The following PLCB1 variants were observed in gnomAD, a reference collection of about 807,000 sequenced individuals.
The protein encoded by PLCB1 is phospholipase C beta 1.
A neutral mutation model predicts 161.8 loss-of-function variants in PLCB1; 46 were observed. The observed-to-expected ratio is 0.28, with a 90% CI of 0.22 to 0.36. The LOEUF is 0.36. PLCB1 is among the 10% of genes least tolerant of loss of function. The pLI, the probability that PLCB1 is intolerant of heterozygous loss-of-function variation, is 1.00. For synonymous variants in PLCB1, 517 were observed against 503.7 expected (o/e 1.03, Z -0.35); for missense variants, 1,016 against 1,472.5 (o/e 0.69, Z 5.07).
At chr20:8,675,078 C>T (rs1226392476) in intron 9 of PLCB1, among the ~76,000 whole-genome samples, 3 of 152,176 alleles carry the variant, frequency 2.0e-5, no homozygotes, top group Middle Eastern at 3.4e-3. Context: ...CAAATCTGGA[C>T]ATAATTTCCT....
chr20:8,826,515 A>G (rs1985714565), intron 31 of PLCB1, among the ~76,000 whole-genome samples: 1 of 151,938 alleles, frequency 6.6e-6, no homozygotes, highest in African/African-American at 2.4e-5. Flanking sequence ...AAAAAAGAAA[A>G]GAAAAGAAGG....
At chr20:8,810,463 G>A (rs1984760586) in intron 31 of PLCB1, among the ~76,000 whole-genome samples, 1 of 152,014 alleles carries the variant, frequency 6.6e-6, no homozygotes, top group Admixed American at 6.6e-5. Flanking sequence ...AAGCAGAAAA[G>A]GTTAAATGAT....
rs537648892 is a variant in PLCB1, at chr20:8,649,440, A to G, written c.585A>G (p.Pro195=). Residue 195 remains proline, a synonymous_variant, in exon 7 of 32, where the codon CCA becomes CCG. Transcript: ENST00000338037. ...VETALEACSL[P]SSRNDSIPQE... Reference sequence around the variant, plus strand: ...CTGCTTTAGAGGCTTGTAGTCTTCCATCTTCAAGGGTGAGCATGTGTGTTA... The same window carrying G: ...CTGCTTTAGAGGCTTGTAGTCTTCCGTCTTCAAGGGTGAGCATGTGTGTTA... 49 of 1,609,748 alleles carry G rather than the reference A, an allele frequency of 3.0e-5. 1 individual carries two copies. The South Asian group carries it at 5.2e-4, about 17-fold the overall frequency.
intron 2 of PLCB1, among the ~76,000 whole-genome samples, chr20:8,152,273 C>G (rs937867633): frequency 6.6e-6 from 1 of 151,098 alleles, no homozygotes; most frequent in Non-Finnish European, 1.5e-5. Context: ...ATCTTAGAAT[C>G]CAAAAGATGA....
intron 3 of PLCB1, among the ~76,000 whole-genome samples, chr20:8,486,256 C>CA: frequency 6.6e-6 from 1 of 152,202 alleles, no homozygotes; most frequent in African/African-American, 2.4e-5. Flanking sequence ...CACTGAGATA[C>CA]AAGGGGATAA....
At chr20:8,839,018 A>T (rs1986397557) in intron 31 of PLCB1, among the ~76,000 whole-genome samples, 1 of 152,228 alleles carries the variant, frequency 6.6e-6, no homozygotes, top group South Asian at 2.1e-4. Context: ...GCCCTATGTT[A>T]TAATTTAGTT....
chr20:8,378,818 A>C lies in PLCB1; in HGVS notation c.246+7368A>C, dbSNP rs577852584. On this transcript the variant is annotated intron_variant, in intron 3 of 31. Coordinates refer to ENST00000338037, the MANE Select transcript of PLCB1 (RefSeq NM_015192.4). ...TCTGTTTTAGCAACTAAGTTTATATAATATTCTAAATCTTTTGTTGTCGTT... is the reference window on the plus strand; with the variant it reads ...TCTGTTTTAGCAACTAAGTTTATATCATATTCTAAATCTTTTGTTGTCGTT... 1.8e-3 allele frequency among the ~76,000 whole-genome samples: 270 copies of C among 152,312 alleles called. 1 individual carries two copies. The highest frequency in any genetic ancestry group is 6.3e-3 in the African/African-American group (261 of 41,572).
chr20:8,760,972 T>C (rs1981992767), intron 25 of PLCB1, among the ~76,000 whole-genome samples: 1 of 152,228 alleles, frequency 6.6e-6, no homozygotes, highest in Admixed American at 6.5e-5. Context: ...AAAATGTTTA[T>C]AATACTTGGT....
intron 2 of PLCB1, among the ~76,000 whole-genome samples, chr20:8,192,078 T>C (rs1479779637): frequency 6.6e-6 from 1 of 152,022 alleles, no homozygotes; most frequent in Non-Finnish European, 1.5e-5. Flanking sequence ...AGAGTCAGTA[T>C]AGTAACATAA....
At chr20:8,227,466 G>A (rs1979758570) in intron 2 of PLCB1, among the ~76,000 whole-genome samples, 1 of 152,072 alleles carries the variant, frequency 6.6e-6, no homozygotes, top group Non-Finnish European at 1.5e-5. Flanking sequence ...GCATACTGCT[G>A]ACCTCACAGC....
At chr20:8,333,706 G>A (rs372516036) in intron 2 of PLCB1, among the ~76,000 whole-genome samples, 1 of 152,272 alleles carries the variant, frequency 6.6e-6, no homozygotes, top group East Asian at 1.9e-4. Flanking sequence ...CCTGTCTTAG[G>A]AGCATGTTTG....
At position 8,531,342 on chromosome 20, in the gene PLCB1, A is replaced by C. The variant is rs186233053; in HGVS notation, c.247-96952A>C. On this transcript the variant is annotated intron_variant, in intron 3 of 31. Coordinates refer to ENST00000338037, the MANE Select transcript of PLCB1 (RefSeq NM_015192.4). Reference sequence around the variant, plus strand: ...AGAAAAGAGTGAGTATAATTAGTACATGTGTTATGATGTTTTGATTCTAGT... The same window carrying C: ...AGAAAAGAGTGAGTATAATTAGTACCTGTGTTATGATGTTTTGATTCTAGT... Among the ~76,000 whole-genome samples, 4 of 152,222 alleles carry C rather than the reference A, an allele frequency of 2.6e-5. No homozygotes were observed. The East Asian group carries it at 7.7e-4, about 29-fold the overall frequency.
chr20:8,533,949 T>C (rs887497112), intron 3 of PLCB1, among the ~76,000 whole-genome samples: 11 of 152,374 alleles, frequency 7.2e-5, no homozygotes, highest in Admixed American at 1.3e-4. Context: ...CATGCCTATG[T>C]CCTGAATGGT....
At chr20:8,227,344 G>A (rs1191245935) in intron 2 of PLCB1, among the ~76,000 whole-genome samples, 1 of 152,174 alleles carries the variant, frequency 6.6e-6, no homozygotes, top group Non-Finnish European at 1.5e-5. Flanking sequence ...AACTCCAGGT[G>A]CTTGTTTCCC....
At chr20:8,741,405 A>C in intron 22 of PLCB1, 59 bp from the exon 23 acceptor site, 2 of 1,159,182 alleles carry the variant, frequency 1.7e-6, no homozygotes, top group Admixed American at 1.8e-5. Context: ...TAAGTAGATG[A>C]ATGATGGATA....
rs147979529 is a variant in PLCB1 at position 8,431,905 on chromosome 20, A to G, written c.246+60455A>G. 1.6e-3 allele frequency among the ~76,000 whole-genome samples: 247 copies of G among 152,214 alleles called. 2 individuals carry two copies. Among genetic ancestry groups the G allele is most frequent in the African/African-American group, 5.6e-3 (231 of 41,516 alleles). On this transcript the variant is annotated intron_variant, in intron 3 of 31. Transcript: ENST00000338037. ...AGGTGGCTTAAACAACAAACATTTCAGTTTGGAAGGCTGGGAAGTCCACTA... is the reference window on the plus strand; with the variant it reads ...AGGTGGCTTAAACAACAAACATTTCGGTTTGGAAGGCTGGGAAGTCCACTA...
intron 3 of PLCB1, among the ~76,000 whole-genome samples, chr20:8,530,402 A>C (rs556293412): frequency 6.6e-6 from 1 of 152,086 alleles, no homozygotes; most frequent in African/African-American, 2.4e-5. Flanking sequence ...TATTTGCTAT[A>C]ATCTACTTGT....
chr20:8,656,026 T>C lies in PLCB1; in HGVS notation c.595-1158T>C, dbSNP rs575641841. On this transcript the variant is annotated intron_variant, in intron 7 of 31. Coordinates refer to ENST00000338037, the MANE Select transcript of PLCB1 (RefSeq NM_015192.4). ...CTTTTTATGAATGGCAAAATACTAA[T>C]AAAACAATTCACAAGAAGTCCCCAC... Among the ~76,000 whole-genome samples the C allele has an allele frequency of 1.4e-4, 21 of 152,104 alleles. No individual in the cohort carries two copies. In the South Asian group the frequency reaches 4.4e-3, roughly 32 times the overall value.
In PLCB1 at chr20:8,578,439, AAG is replaced by A. The variant is rs1260930960; in HGVS notation, c.247-49853_247-49852del. ...TAATAAAAAGTAACCTCTCCTAAGT[AAG>A]AAATGGAATATAAAGGATGAGTGTT... On this transcript the variant is annotated intron_variant, in intron 3 of 31. Coordinates refer to ENST00000338037, the MANE Select transcript of PLCB1 (RefSeq NM_015192.4). 1.3e-3 allele frequency among the ~76,000 whole-genome samples: 197 copies of A among 152,370 alleles called. 1 individual carries two copies. The highest frequency in any genetic ancestry group is 4.7e-3 in the African/African-American group (195 of 41,590).
Sources: allele counts gnomAD v4.1 joint callset (sites outside exome capture counted in the v4.1 genomes callset), GRCh38; gene constraint gnomAD v4.1.1; transcripts MANE v1.5; gene names NCBI Gene and HGNC (gene_info 2026-07-23, HGNC 2026-07-21).